CACNA1C: variants seen among roughly 807,000 people sequenced by gnomAD.
CACNA1C encodes the protein calcium voltage-gated channel subunit alpha1 C, also known as voltage-dependent L-type calcium channel subunit alpha-1C.
Under a neutral mutation model 229.0 loss-of-function variants are expected in CACNA1C, and 30 were observed. The observed-to-expected ratio is 0.13, with a 90% confidence interval of 0.10 to 0.18. The LOEUF is 0.18. CACNA1C is among the 10% of genes least tolerant of loss of function. The probability of loss-of-function intolerance (pLI) is 1.00; values close to 1 mark genes in which losing one functional copy is unlikely to be tolerated. For missense variants in CACNA1C, 1,658 were observed against 2,845.0 expected (o/e 0.58, Z 9.49); for synonymous variants, 1,114 against 1,132.5 (o/e 0.98, Z 0.33).
chr12:2,303,350 A>G (rs544441947), intron 3 of CACNA1C, among the ~76,000 whole-genome samples: 2 of 152,220 alleles, frequency 1.3e-5, no homozygotes, highest in East Asian at 1.9e-4. Flanking sequence ...TGGCTTCTCC[A>G]TGGGTCCTCA....
At chr12:2,139,170 G>C (rs10848619) in intron 3 of CACNA1C, among the ~76,000 whole-genome samples, 5,807 of 150,966 alleles carry the variant, frequency 0.038, 379 homozygotes, top group African/African-American at 0.12. Flanking sequence ...TGTGTTCCGT[G>C]CTCCTGCCCT....
chr12:2,289,280 T>A (rs562440631), intron 3 of CACNA1C, among the ~76,000 whole-genome samples: 5 of 152,264 alleles, frequency 3.3e-5, no homozygotes, highest in African/African-American at 1.2e-4. Context: ...TGTGTGTCTT[T>A]GAGTGGATGT....
At position 2,655,253 on chromosome 12, in the gene CACNA1C, A is replaced by G. The variant is rs1321988373; in HGVS notation, c.4232+15A>G. 1 of 1,485,210 alleles carries G rather than the reference A, an allele frequency of 6.7e-7. No individual in the cohort carries two copies. Among genetic ancestry groups the G allele is most frequent in the Non-Finnish European group, 9.4e-7 (1 of 1,063,896 alleles). The allele number at this position is 1,485,210 out of a possible 1,614,324, so 92.0% of individuals were successfully genotyped here. A position where few individuals can be genotyped will look rare whatever the true frequency, so the allele number is the denominator to read the frequency against. On this transcript the variant is annotated intron_variant, in intron 34 of 46. Transcript: ENST00000399655. ...CTCCTCTTCAGGTGGGTCCCTGAAGACATAGGTGCACAGATACACACACAC... is the reference window on the plus strand; with the variant it reads ...CTCCTCTTCAGGTGGGTCCCTGAAGGCATAGGTGCACAGATACACACACAC...
At chr12:2,565,826 CATATGGA>C (rs1416515108) in intron 11 of CACNA1C, among the ~76,000 whole-genome samples, 11 of 152,346 alleles carry the variant, frequency 7.2e-5, no homozygotes, top group African/African-American at 2.6e-4. Flanking sequence ...CCCCTTCTAC[CATATGGA>C]TGTGGCACAC....
intron 3 of CACNA1C, among the ~76,000 whole-genome samples, chr12:2,265,278 A>G (rs2081936124): frequency 6.6e-6 from 1 of 152,164 alleles, no homozygotes; most frequent in Non-Finnish European, 1.5e-5. Context: ...CTGCTCCTCA[A>G]CTGTAGTTGT....
At position 2,053,298 on chromosome 12, in the gene CACNA1C, G is replaced by C; in HGVS notation, c.-265G>C. Reference sequence around the variant, plus strand: ...GCCGGAGGTGCGGTGCTCAGTTCTTGGAAGGGGCCCGGATGTACTGAGGAT... The same window carrying C: ...GCCGGAGGTGCGGTGCTCAGTTCTTCGAAGGGGCCCGGATGTACTGAGGAT... On this transcript the variant is annotated 5_prime_UTR_variant, in exon 1 of 47. Coordinates refer to ENST00000399655, the MANE Select transcript of CACNA1C (RefSeq NM_000719.7). This position sits in a 1 kb window ranked among gnomAD's most constrained non-coding sequence, Gnocchi z 5.8. 2 of 1,185,686 alleles carry C rather than the reference G, an allele frequency of 1.7e-6. No homozygotes were observed. The allele number at this position is 1,185,686 out of a possible 1,614,324, so 73.4% of individuals were successfully genotyped here. A position where few individuals can be genotyped will look rare whatever the true frequency, so the allele number is the denominator to read the frequency against.
chr12:2,547,427 A>G lies in CACNA1C; in HGVS notation c.1391-2516A>G, dbSNP rs746065825. ...TGATGTCTTGTTCCTGGTTCTTGAC[A>G]CTGACCATCTTGTCTGTGAAAGGAG... On this transcript the variant is annotated intron_variant, in intron 9 of 46. Transcript: ENST00000399655. The G allele has an allele frequency of 5.1e-6, 4 of 779,540 alleles. No homozygotes were observed. The South Asian group carries it at 5.4e-5, about 10-fold the overall frequency. The allele number at this position is 779,540 out of a possible 1,614,324, so 48.3% of individuals were successfully genotyped here. A position where few individuals can be genotyped will look rare whatever the true frequency, so the allele number is the denominator to read the frequency against.
intron 3 of CACNA1C, among the ~76,000 whole-genome samples, chr12:2,278,605 G>A (rs1284699942): frequency 6.6e-6 from 1 of 152,118 alleles, no homozygotes; most frequent in Non-Finnish European, 1.5e-5. Context: ...GCTTAGTTGT[G>A]TTCCATTGTA....
At position 2,651,326 on chromosome 12, in the gene CACNA1C, A is replaced by C; in HGVS notation, c.3946-314A>C. Reference sequence around the variant, plus strand: ...CCTAGAAGATTCCAAAGCCTATGGTAGTTCCTGATGGAGTCGTCTGTCCTC... The same window carrying C: ...CCTAGAAGATTCCAAAGCCTATGGTCGTTCCTGATGGAGTCGTCTGTCCTC... On this transcript the variant is annotated intron_variant, in intron 31 of 46. Coordinates refer to ENST00000399655, the MANE Select transcript of CACNA1C (RefSeq NM_000719.7). This position sits in a 1 kb window ranked among gnomAD's most constrained non-coding sequence, Gnocchi z 5.4. The C allele has an allele frequency of 2.1e-6, 1 of 478,368 alleles. No individual in the cohort carries two copies. The highest frequency in any genetic ancestry group is 3.7e-6 in the Non-Finnish European group (1 of 266,912). 29.6% of individuals were successfully genotyped at this position (478,368 alleles called of 1,614,324 possible).
At position 2,058,531 on chromosome 12, in the gene CACNA1C, T is replaced by TA. The variant is rs1264593574; in HGVS notation, c.49+4929dup. ...GTGGAGGAGAACAGAAGATTGGTTT[T>TA]AAAAAAAAAGGCATGGGGAATTGTT... On this transcript the variant is annotated intron_variant, in intron 1 of 46. Transcript: ENST00000399655. Among the ~76,000 whole-genome samples, 588 of 151,396 alleles carry TA rather than the reference T, an allele frequency of 3.9e-3. 4 individuals are homozygous for TA. The highest frequency in any genetic ancestry group is 0.014 in the African/African-American group (558 of 41,316).
At chr12:2,438,278 ATAG>A (rs1567682048) in intron 3 of CACNA1C, among the ~76,000 whole-genome samples, 1 of 69,286 alleles carries the variant, frequency 1.4e-5, no homozygotes, top group East Asian at 7.1e-4. Flanking sequence ...GGTGGTAATG[ATAG>A]TGGTAATGAT....
rs1006131798 is a variant in CACNA1C at position 2,689,483 on chromosome 12, G to A, written c.6117+704G>A. ...CGGGTGGGATGGGGAAAGGGTGGCA[G>A]GCTCAGCCCACCAGCGGACAGATTT... On this transcript the variant is annotated intron_variant, in intron 46 of 46. Transcript: ENST00000399655. The surrounding 1 kb of genome is among the most constrained non-coding windows in gnomAD (Gnocchi z 4.2). Among the ~76,000 whole-genome samples the A allele has an allele frequency of 2.6e-5, 4 of 152,120 alleles. No homozygotes were observed. The highest frequency in any genetic ancestry group is 4.4e-5 in the Non-Finnish European group (3 of 68,014).
rs571449911 is a variant in CACNA1C at position 2,585,170 on chromosome 12, G to A, written c.2340-206G>A. Among the ~76,000 whole-genome samples, 17 of 152,294 alleles carry A rather than the reference G, an allele frequency of 1.1e-4. No homozygotes were observed. In the South Asian group the frequency reaches 3.3e-3, roughly 30 times the overall value. On this transcript the variant is annotated intron_variant, in intron 16 of 46. Transcript: ENST00000399655. The surrounding 1 kb of genome is among the most constrained non-coding windows in gnomAD (Gnocchi z 4.1). Reference sequence around the variant, plus strand: ...TCTGGAGCTGCAAGAGGCCAATTGCGTGTCAGGCAGAGCAGGTGTAGCTCA... The same window carrying A: ...TCTGGAGCTGCAAGAGGCCAATTGCATGTCAGGCAGAGCAGGTGTAGCTCA...
At chr12:2,494,345 CATT>C (rs2099742470) in intron 7 of CACNA1C, among the ~76,000 whole-genome samples, 1 of 152,222 alleles carries the variant, frequency 6.6e-6, no homozygotes, top group South Asian at 2.1e-4. Context: ...TGGCAAAGTC[CATT>C]ATTAGGAAAA....
intron 1 of CACNA1C, among the ~76,000 whole-genome samples, chr12:2,089,286 G>T (rs559947170): frequency 6.6e-6 from 1 of 152,340 alleles, no homozygotes; most frequent in Admixed American, 6.5e-5. Flanking sequence ...ATGTGGGGGC[G>T]AGTGGTAGAC....
intron 3 of CACNA1C, among the ~76,000 whole-genome samples, chr12:2,427,400 C>T (rs922223127): frequency 6.6e-6 from 1 of 152,090 alleles, no homozygotes; most frequent in African/African-American, 2.4e-5. Context: ...GTTGGCAACC[C>T]TGTGTCCATT....
chr12:2,565,134 A>G (rs2049685315), intron 11 of CACNA1C, among the ~76,000 whole-genome samples: 1 of 152,210 alleles, frequency 6.6e-6, no homozygotes, highest in Non-Finnish European at 1.5e-5. Context: ...ACTGGTTCTC[A>G]ACCATCATTA....
rs147848965 is a variant in CACNA1C, at chr12:2,467,804, G to C, written c.757+10098G>C. Among the ~76,000 whole-genome samples, 3,511 of 152,284 alleles carry C rather than the reference G, an allele frequency of 0.023. 62 individuals are homozygous for C. The highest frequency in any genetic ancestry group is 0.041 in the Middle Eastern group (12 of 294). ...AACTCTCTTCCCGGCATCCTCCCAG[G>C]TGCCCCTGAAAGACGCCTGGGCCAG... On this transcript the variant is annotated intron_variant, in intron 5 of 46. Transcript: ENST00000399655. This position sits in a 1 kb window ranked among gnomAD's most constrained non-coding sequence, Gnocchi z 4.6.
Position 2,014,620 on chromosome 12 carries a change from A to G in CACNA1C, c.139+43419A>G, listed in dbSNP as rs565594182. Among the ~76,000 whole-genome samples the G allele has an allele frequency of 4.5e-4, 69 of 152,198 alleles. 1 individual carries two copies. The highest frequency in any genetic ancestry group is 1.8e-4 in the Non-Finnish European group (12 of 68,044). ...TGTGAAAAGTTTGGGATGCTATGGG[A>G]GCATGGCAGAGGCCCAAGAGAGGCT... is the stretch of plus-strand genomic sequence containing the variant. On this transcript the variant is annotated intron_variant, in intron 1 of 46. Coordinates refer to the CACNA1C transcript ENST00000682462.
Sources: gnomAD v4.1 joint callset for allele counts (sites outside exome capture counted in the v4.1 genomes callset) on GRCh38, gnomAD v4.1.1 for gene constraint, Gnocchi (gnomAD v3.1) non-coding constraint, MANE v1.5 for transcripts, NCBI Gene and HGNC (gene_info 2026-07-23, HGNC 2026-07-21) for gene names.